Variants in NKAIN2 observed in about 807,000 individuals in gnomAD.
The protein encoded by NKAIN2 is sodium/potassium-transporting ATPase subunit beta-1-interacting protein 2.
In NKAIN2, 14 loss-of-function variants were observed where a neutral mutation model predicts 32.6. The ratio of observed to expected loss-of-function variants is 0.43; its 90% CI spans 0.28 to 0.67. The LOEUF (loss-of-function observed/expected upper bound fraction) is 0.67. NKAIN2 is among the 30% of genes least tolerant of loss of function. The pLI is 0.17. For missense variants in NKAIN2, 198 were observed against 258.3 expected (o/e 0.77, Z 1.60); for synonymous variants, 80 against 87.2 (o/e 0.92, Z 0.46).
intron 1 of NKAIN2, among the ~76,000 whole-genome samples, chr6:123,903,947 G>C (rs953934601): frequency 6.6e-6 from 1 of 151,162 alleles, no homozygotes; most frequent in Admixed American, 6.6e-5. Context: ...GAAATGATTG[G>C]CCGGGCGTGG....
intron 3 of NKAIN2, among the ~76,000 whole-genome samples, chr6:124,461,647 C>A (rs1199544137): frequency 1.3e-5 from 2 of 151,666 alleles, no homozygotes; most frequent in South Asian, 4.1e-4. Flanking sequence ...AAAAGCAATG[C>A]TATTATCATC....
In NKAIN2 at chr6:124,805,697, C is replaced by A. The variant is rs574097711; in HGVS notation, c.536-12690C>A. Among the ~76,000 whole-genome samples, 693 of 152,172 alleles carry A rather than the reference C, an allele frequency of 4.6e-3. 5 individuals are homozygous for A. Among genetic ancestry groups the A allele is most frequent in the African/African-American group, 0.016 (660 of 41,514 alleles). On this transcript the variant is annotated intron_variant, in intron 5 of 6. Coordinates refer to ENST00000368417, the MANE Select transcript of NKAIN2 (RefSeq NM_001040214.3). ...CTTCAGATGATCAAACTACGAGCTA[C>A]AGGAGGAAATTCAAACCAAAGGCAA...
At chr6:123,967,654 C>T (rs1312924338) in intron 1 of NKAIN2, among the ~76,000 whole-genome samples, 5 of 152,148 alleles carry the variant, frequency 3.3e-5, no homozygotes, top group African/African-American at 1.2e-4. Context: ...GTAACATCAC[C>T]CAATGTGAAC....
intron 3 of NKAIN2, among the ~76,000 whole-genome samples, chr6:124,577,845 T>C (rs375681959): frequency 5.7e-4 from 87 of 152,270 alleles, no homozygotes; most frequent in Middle Eastern, 3.4e-3. Context: ...AAGAGGACTT[T>C]ATCTTGCAAC....
intron 3 of NKAIN2, among the ~76,000 whole-genome samples, chr6:124,547,230 A>ATC: frequency 6.6e-6 from 1 of 152,336 alleles, no homozygotes; most frequent in African/African-American, 2.4e-5. Context: ...TAAATGTCTA[A>ATC]AATGCATTTG....
At chr6:123,816,394 A>T (rs1401051070) in intron 1 of NKAIN2, among the ~76,000 whole-genome samples, 1 of 152,156 alleles carries the variant, frequency 6.6e-6, no homozygotes, top group Non-Finnish European at 1.5e-5. Flanking sequence ...GTGAGAGTGA[A>T]GGCTTGGGGT....
chr6:124,624,972 A>G (rs1324474875), intron 3 of NKAIN2, among the ~76,000 whole-genome samples: 1 of 152,188 alleles, frequency 6.6e-6, no homozygotes, highest in East Asian at 1.9e-4. Context: ...TTCTAGCTTT[A>G]GCAAATCTAG....
At chr6:124,785,627 A>G (rs998903584) in intron 4 of NKAIN2, among the ~76,000 whole-genome samples, 38 of 152,214 alleles carry the variant, frequency 2.5e-4, no homozygotes, top group African/African-American at 9.1e-4. Flanking sequence ...CTTAGCCTCC[A>G]TTGAGACTTA....
intron 4 of NKAIN2, among the ~76,000 whole-genome samples, chr6:124,748,853 T>TA (rs5879757): frequency 0.95 from 140,553 of 148,398 alleles, 66,891 homozygotes; most frequent in South Asian, 1. Context: ...ACTTCTAATT[T>TA]AAAAAAAAAA....
At chr6:124,379,574 G>A (rs9491143) in intron 3 of NKAIN2, among the ~76,000 whole-genome samples, 73,179 of 151,880 alleles carry the variant, frequency 0.48, 17,795 homozygotes, top group African/African-American at 0.56. Flanking sequence ...CAGCAATTCT[G>A]TGTGGGAAAA....
chr6:124,213,071 C>T (rs530187586), intron 1 of NKAIN2, among the ~76,000 whole-genome samples: 9 of 152,220 alleles, frequency 5.9e-5, no homozygotes, highest in Admixed American at 1.3e-4. Context: ...CTAAGTCCTT[C>T]GTATCTTTTC....
At chr6:124,538,821 T>G (rs541855105) in intron 3 of NKAIN2, among the ~76,000 whole-genome samples, 5 of 152,292 alleles carry the variant, frequency 3.3e-5, no homozygotes, top group African/African-American at 7.2e-5. Flanking sequence ...TAACTAGACT[T>G]TACCCATATT....
At chr6:124,173,329 T>G (rs1263894729) in intron 1 of NKAIN2, among the ~76,000 whole-genome samples, 1 of 152,170 alleles carries the variant, frequency 6.6e-6, no homozygotes, top group African/African-American at 2.4e-5. Flanking sequence ...ATATTACTTT[T>G]AGTACGTGAT....
chr6:124,400,579 A>G (rs1773582898), intron 3 of NKAIN2, among the ~76,000 whole-genome samples: 1 of 152,196 alleles, frequency 6.6e-6, no homozygotes. Context: ...AAACTCCCTA[A>G]TTTGAGTGTC....
At chr6:124,479,134 G>A (rs1019628885) in intron 3 of NKAIN2, among the ~76,000 whole-genome samples, 1 of 152,096 alleles carries the variant, frequency 6.6e-6, no homozygotes, top group Non-Finnish European at 1.5e-5. Flanking sequence ...GGAAATCTGA[G>A]AAATTATCAT....
intron 1 of NKAIN2, among the ~76,000 whole-genome samples, chr6:123,931,998 T>G (rs1776271342): frequency 6.6e-6 from 1 of 152,158 alleles, no homozygotes; most frequent in Non-Finnish European, 1.5e-5. Flanking sequence ...TTCAAAACAC[T>G]TTTATCATTT....
At chr6:124,575,294 A>C (rs1377592340) in intron 3 of NKAIN2, among the ~76,000 whole-genome samples, 4 of 152,112 alleles carry the variant, frequency 2.6e-5, no homozygotes, top group Non-Finnish European at 5.9e-5. Flanking sequence ...TCTATGTACA[A>C]TGTATGTTAT....
chr6:123,922,651 G>A (rs575866899), intron 1 of NKAIN2, among the ~76,000 whole-genome samples: 26 of 152,240 alleles, frequency 1.7e-4, no homozygotes, highest in African/African-American at 3.6e-4. Context: ...GTCTGGCTGA[G>A]GGTCGATGGG....
intron 1 of NKAIN2, among the ~76,000 whole-genome samples, chr6:124,034,679 C>A (rs867176039): frequency 2.0e-5 from 3 of 151,944 alleles, no homozygotes; most frequent in African/African-American, 7.3e-5. Flanking sequence ...GTTTTTAGTT[C>A]TTTGAGAAGT....
Sources: gnomAD v4.1 joint callset for allele counts (sites outside exome capture counted in the v4.1 genomes callset) on GRCh38, gnomAD v4.1.1 for gene constraint, MANE v1.5 for transcripts, NCBI Gene and HGNC (gene_info 2026-07-23, HGNC 2026-07-21) for gene names.